Variants in CCDC6 observed in about 807,000 individuals in gnomAD.
CCDC6 encodes coiled-coil domain containing 6.
A neutral mutation model predicts 56.6 loss-of-function variants in CCDC6; 20 were observed. That is an observed-to-expected ratio of 0.35 (90% confidence interval 0.25 to 0.51). CCDC6 has a LOEUF of 0.51. CCDC6 is among the 20% of genes least tolerant of loss of function. The pLI, the probability that CCDC6 is intolerant of heterozygous loss-of-function variation, is 0.95. For missense variants in CCDC6, 367 were observed against 601.1 expected (o/e 0.61, Z 4.07); for synonymous variants, 241 against 234.4 (o/e 1.03, Z -0.26).
rs2071487685 is a variant in CCDC6, at chr10:59,899,396, G to C, written c.303+6726C>G. 2.0e-5 allele frequency among the ~76,000 whole-genome samples: 3 copies of C among 152,218 alleles called. No individual in the cohort carries two copies. In the South Asian group the frequency reaches 6.2e-4, roughly 31 times the overall value. On this transcript the variant is annotated intron_variant, in intron 1 of 8. Transcript: ENST00000263102. ...TACTCAGCCTGACTGCAGTTCAGTA[G>C]TTTGGATTAGCATTTTGAAGTGTAA...
chr10:59,828,859 A>G (rs1476246212), intron 3 of CCDC6, among the ~76,000 whole-genome samples: 2 of 152,142 alleles, frequency 1.3e-5, no homozygotes, highest in Non-Finnish European at 2.9e-5. Context: ...TGATTTTCCC[A>G]CTGTCTCATG....
chr10:59,808,293 C>T (rs1358836364), intron 5 of CCDC6, among the ~76,000 whole-genome samples: 1 of 152,154 alleles, frequency 6.6e-6, no homozygotes, highest in African/African-American at 2.4e-5. Flanking sequence ...GGGTCTGCTT[C>T]AGCTAAGTTC....
At chr10:59,831,647 G>C (rs2070836571) in intron 3 of CCDC6, among the ~76,000 whole-genome samples, 1 of 152,222 alleles carries the variant, frequency 6.6e-6, no homozygotes, top group Non-Finnish European at 1.5e-5. Flanking sequence ...CCAGGTAGCA[G>C]TACACTAGCA....
chr10:59,796,133 C>A (rs2070516036), intron 7 of CCDC6, among the ~76,000 whole-genome samples: 1 of 152,206 alleles, frequency 6.6e-6, no homozygotes, highest in South Asian at 2.1e-4. Context: ...TCCTCTCCAG[C>A]ACCTGTTGTT....
chr10:59,799,245 A>G (rs1249357424), intron 7 of CCDC6, among the ~76,000 whole-genome samples: 10 of 152,042 alleles, frequency 6.6e-5, no homozygotes, highest in Non-Finnish European at 1.5e-4. Context: ...AGCCTGGTCA[A>G]CACGGTGAAA....
At chr10:59,885,910 A>AC (rs1431441962) in intron 1 of CCDC6, among the ~76,000 whole-genome samples, 34 of 49,034 alleles carry the variant, frequency 6.9e-4, no homozygotes, top group South Asian at 1.9e-3. Flanking sequence ...TCTATTTCCA[A>AC]CCCCGCCCCC....
chr10:59,809,435 C>T (rs2070654492), intron 5 of CCDC6, among the ~76,000 whole-genome samples: 1 of 152,158 alleles, frequency 6.6e-6, no homozygotes, highest in Non-Finnish European at 1.5e-5. Context: ...GGAAGACTTC[C>T]TGGCAGTTCA....
At chr10:59,802,373 T>A (rs539669832) in intron 7 of CCDC6, among the ~76,000 whole-genome samples, 7 of 152,320 alleles carry the variant, frequency 4.6e-5, no homozygotes, top group Non-Finnish European at 1.0e-4. Flanking sequence ...TCAAACAGCA[T>A]ATTTCCACTA....
At chr10:59,804,550 C>A in intron 6 of CCDC6, 30 bp from the exon 7 acceptor site, 1 of 1,283,324 alleles carries the variant, frequency 7.8e-7, no homozygotes, top group Non-Finnish European at 1.1e-6. Flanking sequence ...AACGATAAAA[C>A]CACCTGCATT....
intron 5 of CCDC6, 133 bp from the exon 6 acceptor site, chr10:59,807,211 A>G (rs1768525683): frequency 2.6e-6 from 2 of 770,842 alleles, no homozygotes; most frequent in Non-Finnish European, 4.1e-6. Context: ...CTGGTCGGGT[A>G]TGGTGGCTCA....
At chr10:59,842,968 T>C (rs554987304) in intron 2 of CCDC6, among the ~76,000 whole-genome samples, 163 of 151,996 alleles carry the variant, frequency 1.1e-3, no homozygotes, top group Non-Finnish European at 2.1e-3. Flanking sequence ...TTAGCCAGGA[T>C]GGTCTCGATC....
intron 1 of CCDC6, 122 bp from the exon 2 acceptor site, chr10:59,852,824 T>TAAAA: frequency 2.8e-6 from 2 of 726,400 alleles, no homozygotes; most frequent in Non-Finnish European, 4.1e-6. Context: ...GAGCTCTATT[T>TAAAA]TTAGCTGTGA....
Position 59,793,125 on chromosome 10 carries a change from AG to A in CCDC6, c.1231-15del, listed in dbSNP as rs751225959. The A allele has an allele frequency of 7.4e-6, 12 of 1,611,582 alleles. No individual in the cohort carries two copies. Among genetic ancestry groups the A allele is most frequent in the Non-Finnish European group, 1.0e-5 (12 of 1,177,846 alleles). On this transcript the variant is annotated splice_polypyrimidine_tract_variant and intron_variant, in intron 8 of 8. Transcript: ENST00000263102. ...TGGTGAAGGCCTCTGCAGAGGGGACAGGAACAGCAAGTCAGTCTAGGTACAG... is the reference window on the plus strand; with the variant it reads ...TGGTGAAGGCCTCTGCAGAGGGGACAGAACAGCAAGTCAGTCTAGGTACAG...
chr10:59,865,548 T>C (rs1242654370), intron 1 of CCDC6, among the ~76,000 whole-genome samples: 1 of 152,046 alleles, frequency 6.6e-6, no homozygotes, highest in Non-Finnish European at 1.5e-5. Context: ...TGATTGTAAA[T>C]TGATTGCAAA....
chr10:59,869,901 T>C (rs1427610425), intron 1 of CCDC6, among the ~76,000 whole-genome samples: 3 of 152,168 alleles, frequency 2.0e-5, no homozygotes, highest in Admixed American at 1.3e-4. Context: ...GCCACACTCA[T>C]GATCCCTGTT....
At chr10:59,819,178 T>C (rs142290351) in intron 3 of CCDC6, among the ~76,000 whole-genome samples, 192 of 152,338 alleles carry the variant, frequency 1.3e-3, no homozygotes, top group African/African-American at 4.5e-3. Flanking sequence ...TTTATATCAA[T>C]CAGCTTCTGG....
chr10:59,794,657 A>G (rs1176351936), intron 7 of CCDC6, 60 bp from the exon 8 acceptor site: 18 of 1,506,288 alleles, frequency 1.2e-5, no homozygotes, highest in Non-Finnish European at 1.6e-5. Context: ...GTCTTCAACT[A>G]TCTAGGAGGT....
At chr10:59,836,460 T>C (rs2070883713) in intron 2 of CCDC6, among the ~76,000 whole-genome samples, 1 of 152,226 alleles carries the variant, frequency 6.6e-6, no homozygotes, top group South Asian at 2.1e-4. Context: ...TTTAAATTTA[T>C]AATCATAGGT....
At chr10:59,903,126 A>C (rs2071516378) in intron 1 of CCDC6, among the ~76,000 whole-genome samples, 1 of 152,240 alleles carries the variant, frequency 6.6e-6, no homozygotes, top group Admixed American at 6.5e-5. Flanking sequence ...GAGAGAGTAA[A>C]AAAAATCAGT....
Sources: gnomAD v4.1 joint callset for allele counts (sites outside exome capture counted in the v4.1 genomes callset) on GRCh38, gnomAD v4.1.1 for gene constraint, MANE v1.5 for transcripts, NCBI Gene and HGNC (gene_info 2026-07-23, HGNC 2026-07-21) for gene names.